TRPM6: variants seen among roughly 807,000 people sequenced by gnomAD.
TRPM6 encodes the protein transient receptor potential cation channel subfamily M member 6, also known as channel kinase 2.
Under a neutral mutation model 247.6 loss-of-function variants are expected in TRPM6, and 111 were observed. The ratio of observed to expected loss-of-function variants is 0.45; its 90% CI spans 0.38 to 0.52. The LOEUF is 0.52. TRPM6 is among the 20% of genes least tolerant of loss of function. The pLI, the probability that TRPM6 is intolerant of heterozygous loss-of-function variation, is 0.00. For synonymous variants in TRPM6, 892 were observed against 853.8 expected (o/e 1.04, Z -0.78); for missense variants, 2,126 against 2,421.5 (o/e 0.88, Z 2.56).
chr9:74,778,133 A>C lies in TRPM6; in HGVS notation c.3210-2057T>G, dbSNP rs573987523. On this transcript the variant is annotated intron_variant, in intron 23 of 38. Transcript: ENST00000360774. ...GAGTGTCGGTGCTGCATTTGGCTTCAAGATCGAGAATCAGAGCCTTTGAAA... is the reference window on the plus strand; with the variant it reads ...GAGTGTCGGTGCTGCATTTGGCTTCCAGATCGAGAATCAGAGCCTTTGAAA... Among the ~76,000 whole-genome samples, 201 of 152,308 alleles carry C rather than the reference A, an allele frequency of 1.3e-3. 2 individuals carry two copies. Among genetic ancestry groups the C allele is most frequent in the African/African-American group, 4.1e-3 (170 of 41,576 alleles).
rs746870560 is a variant in TRPM6, at chr9:74,739,398, C to A, written c.5539G>T (p.Val1847Leu). The A allele has an allele frequency of 1.2e-5, 20 of 1,613,982 alleles. No homozygotes were observed. Among genetic ancestry groups the A allele is most frequent in the Non-Finnish European group, 1.7e-5 (20 of 1,180,012 alleles). Residue 1847 changes from valine (V) to leucine (L), a missense_variant, in exon 35 of 39, where the codon GTG becomes TTG. Around this residue, in one of 3 missense-constraint regions of TRPM6, gnomAD observed 327 missense variants for 397.7 expected, o/e 0.82. Coordinates refer to ENST00000360774, the MANE Select transcript of TRPM6 (RefSeq NM_017662.5). The stretch of plus-strand genomic sequence containing the variant: ...GTGTAGGGTATGGTTTGTGGTTTCA[C>A]TTGGTTGAAGGTATAGATCAATTTT... ...AQKLIYTFNQ[V>L]KPQTIPYTPR... is the part of the protein sequence containing the mutation.
At chr9:74,851,229 A>G (rs1416242320) in intron 3 of TRPM6, among the ~76,000 whole-genome samples, 5 of 152,186 alleles carry the variant, frequency 3.3e-5, no homozygotes, top group Non-Finnish European at 7.3e-5. Flanking sequence ...AGAACATATC[A>G]CTAACAAGTA....
intron 20 of TRPM6, among the ~76,000 whole-genome samples, chr9:74,786,736 T>C (rs897130592): frequency 6.6e-6 from 1 of 152,006 alleles, no homozygotes; most frequent in South Asian, 2.1e-4. Flanking sequence ...CGAGGCTCTG[T>C]CTCAAAATAA....
In TRPM6 at chr9:74,723,370, T is replaced by C. The variant is rs1008722269; in HGVS notation, c.*1243A>G. ...AAGTAATTTAACCTGCAATATTATA[T>C]ATACAACTTTGGAAGGAGGAGTGGT... is the stretch of plus-strand genomic sequence containing the variant. On this transcript the variant is annotated 3_prime_UTR_variant, in exon 39 of 39. Coordinates refer to ENST00000360774, the MANE Select transcript of TRPM6 (RefSeq NM_017662.5). The C allele has an allele frequency of 6.6e-6, 1 of 152,054 alleles. No homozygotes were observed. Among genetic ancestry groups the C allele is most frequent in the Non-Finnish European group, 1.5e-5 (1 of 68,020 alleles). 9.4% of individuals were successfully genotyped at this position (152,054 alleles called of 1,614,324 possible).
intron 5 of TRPM6, among the ~76,000 whole-genome samples, chr9:74,837,499 T>G (rs1829765474): frequency 6.6e-6 from 1 of 151,772 alleles, no homozygotes; most frequent in East Asian, 1.9e-4. Flanking sequence ...CAGGCTGGAG[T>G]GCAGTGGCAC....
intron 3 of TRPM6, among the ~76,000 whole-genome samples, chr9:74,844,991 T>C (rs891207215): frequency 3.9e-5 from 6 of 152,216 alleles, no homozygotes; most frequent in African/African-American, 1.4e-4. Flanking sequence ...GTCAGTGGAA[T>C]AGTCAGAACA....
rs1219083430 is a variant in TRPM6 at position 74,747,882 on chromosome 9, A to T, written c.5083+7T>A. Reference sequence around the variant, plus strand: ...AAAAAATAAAATGTTTAAACAGAAAAACTTACTGTCAACTCCAATTGAACT... The same window carrying T: ...AAAAAATAAAATGTTTAAACAGAAATACTTACTGTCAACTCCAATTGAACT... On this transcript the variant is annotated splice_region_variant and intron_variant, in intron 31 of 38. Coordinates refer to ENST00000360774, the MANE Select transcript of TRPM6 (RefSeq NM_017662.5). 1.9e-6 allele frequency: 3 copies of T among 1,606,194 alleles called. No individual in the cohort carries two copies. In the East Asian group the frequency reaches 6.7e-5, roughly 36 times the overall value.
intron 27 of TRPM6, among the ~76,000 whole-genome samples, chr9:74,759,880 C>G (rs900560478): frequency 6.6e-6 from 1 of 151,968 alleles, no homozygotes; most frequent in Admixed American, 6.6e-5. Flanking sequence ...GGATTTATAT[C>G]TAACATATAT....
chr9:74,863,626 G>T (rs1830754119), intron 1 of TRPM6, among the ~76,000 whole-genome samples: 1 of 152,030 alleles, frequency 6.6e-6, no homozygotes, highest in Non-Finnish European at 1.5e-5. Flanking sequence ...CTGTCTCCCA[G>T]GCTGGAGTGC....
At chr9:74,794,337 G>A (rs1390582773) in intron 18 of TRPM6, among the ~76,000 whole-genome samples, 1 of 152,152 alleles carries the variant, frequency 6.6e-6, no homozygotes, top group Non-Finnish European at 1.5e-5. Flanking sequence ...AATTTTGCTT[G>A]AGTTGTCCAT....
rs79104866 is a variant in TRPM6 at position 74,803,755 on chromosome 9, A to T, written c.1731+39T>A. ...GAAGAAACAGTCTCGAGCTGCAAAA[A>T]ACATTTTCCTTTCAAGTTGAAAAAC... is the stretch of plus-strand genomic sequence containing the variant. On this transcript the variant is annotated intron_variant, in intron 15 of 38. Transcript: ENST00000360774. The T allele has an allele frequency of 9.4e-4, 1,351 of 1,441,232 alleles. 11 individuals are homozygous for T. In the African/African-American group the frequency reaches 0.016, roughly 18 times the overall value. 89.3% of individuals were successfully genotyped at this position (1,441,232 alleles called of 1,614,324 possible).
intron 1 of TRPM6, among the ~76,000 whole-genome samples, chr9:74,872,600 T>TTGTGTGTG (rs59577843): frequency 0.22 from 33,584 of 150,024 alleles, 4,051 homozygotes; most frequent in Middle Eastern, 0.39. Flanking sequence ...CCAGCAAATT[T>TTGTGTGTG]TGTGTGTGTG....
At chr9:74,794,252 C>T (rs922846544) in intron 18 of TRPM6, among the ~76,000 whole-genome samples, 54 of 152,110 alleles carry the variant, frequency 3.6e-4, no homozygotes, top group Admixed American at 5.2e-4. Context: ...ATTCTTGCAA[C>T]GTAGCCACAA....
In TRPM6 at chr9:74,761,745, T is replaced by C. The variant is rs1826643873; in HGVS notation, c.4736A>G (p.Asp1579Gly). 2 of 1,614,058 alleles carry C rather than the reference T, an allele frequency of 1.2e-6. No individual in the cohort carries two copies. The highest frequency in any genetic ancestry group is 1.7e-6 in the Non-Finnish European group (2 of 1,179,936). ...AWVKAKMLTK[D>G]RRLSKKKKNT... ...CTTCTTTTTCTTTGACAGTCTCCTGTCTTTGGTTAGCATTTTCGCTTTGAC... is the reference window on the plus strand; with the variant it reads ...CTTCTTTTTCTTTGACAGTCTCCTGCCTTTGGTTAGCATTTTCGCTTTGAC... The change falls in exon 27 of 39, where the codon GAC becomes GGC. Residue 1579 changes from aspartate (D) to glycine (G), a missense_variant. Physicochemically the swap from Asp to Gly is moderately conservative, Grantham distance 94. Transcript: ENST00000360774.
At chr9:74,766,093 G>A (rs1826816565) in intron 25 of TRPM6, among the ~76,000 whole-genome samples, 1 of 152,138 alleles carries the variant, frequency 6.6e-6, no homozygotes, top group South Asian at 2.1e-4. Context: ...AGTACAGTCT[G>A]AACACCAGTA....
chr9:74,725,771 T>C (rs2118662089), intron 38 of TRPM6, among the ~76,000 whole-genome samples: 1 of 152,322 alleles, frequency 6.6e-6, no homozygotes, highest in East Asian at 1.9e-4. Context: ...TAAACCTCTT[T>C]TTTAAATAAA....
At chr9:74,790,598 T>C (rs1333297045) in intron 19 of TRPM6, among the ~76,000 whole-genome samples, 1 of 152,226 alleles carries the variant, frequency 6.6e-6, no homozygotes, top group Admixed American at 6.5e-5. Flanking sequence ...TCAGTATTGA[T>C]GTTTGGCAAC....
At chr9:74,761,829 T>C in intron 26 of TRPM6, 21 bp from the exon 27 acceptor site, 1 of 1,578,858 alleles carries the variant, frequency 6.3e-7, no homozygotes, top group East Asian at 2.2e-5. Flanking sequence ...ATGGTCTACA[T>C]GAGAAAGTTG....
intron 6 of TRPM6, among the ~76,000 whole-genome samples, chr9:74,830,388 GT>G (rs1377769443): frequency 1.3e-5 from 2 of 151,240 alleles, no homozygotes; most frequent in African/African-American, 2.4e-5. Context: ...TTTTTTGTTT[GT>G]TTGTTTGTTT....
Sources: allele counts gnomAD v4.1 joint callset (sites outside exome capture counted in the v4.1 genomes callset), GRCh38; gene constraint gnomAD v4.1.1; regional missense constraint gnomAD v4.1.1; transcripts MANE v1.5; gene names NCBI Gene and HGNC (gene_info 2026-07-23, HGNC 2026-07-21).